The following OPRD1 variants were observed in gnomAD, a reference collection of about 807,000 sequenced individuals.
The protein encoded by OPRD1 is delta-type opioid receptor.
OPRD1 carries 19 observed loss-of-function variants against 17.5 expected under a neutral mutation model. The observed-to-expected ratio is 1.09, with a 90% CI of 0.76 to 1.60. The LOEUF is 1.60. Ranked by LOEUF, OPRD1 falls within the 40% of genes most tolerant of loss-of-function variation. The probability of loss-of-function intolerance (pLI) is 0.00; values close to 1 mark genes in which losing one functional copy is unlikely to be tolerated. For missense variants in OPRD1, 483 were observed against 547.2 expected (o/e 0.88, Z 1.17); for synonymous variants, 256 against 240.9 (o/e 1.06, Z -0.58).
At position 28,867,936 on chromosome 1, in the gene OPRD1, G is replaced by A. The variant is rs1169815512; in HGVS notation, c.*4653G>A. 1 of 152,276 alleles carries A rather than the reference G, an allele frequency of 6.6e-6. No individual in the cohort carries two copies. The highest frequency in any genetic ancestry group is 2.4e-5 in the African/African-American group (1 of 41,448). 9.4% of individuals were successfully genotyped at this position (152,276 alleles called of 1,614,324 possible). ...TGATGGAGAGAGAGAAGAGACTGGA[G>A]ATCCAGCTTGGGGATCCCCTTGCTT... On this transcript the variant is annotated 3_prime_UTR_variant, in exon 3 of 3. Coordinates refer to ENST00000234961, the MANE Select transcript of OPRD1 (RefSeq NM_000911.4).
chr1:28,865,159 C>CCTTGTTCT lies in OPRD1; in HGVS notation c.*1879_*1886dup, dbSNP rs1364091625. Reference sequence around the variant, plus strand: ...TGCTTCCCAGAATATCAGTGTCTGTCCTTGTTCTCTGTACCTCCCCCGTGC... The same window carrying CCTTGTTCT: ...TGCTTCCCAGAATATCAGTGTCTGTCCTTGTTCTCTTGTTCTCTGTACCTCCCCCGTGC... On this transcript the variant is annotated 3_prime_UTR_variant, in exon 3 of 3. Transcript: ENST00000234961. The CCTTGTTCT allele has an allele frequency of 1.3e-5, 2 of 152,296 alleles. No individual in the cohort carries two copies. The highest frequency in any genetic ancestry group is 3.9e-4 in the East Asian group (2 of 5,190). The allele number at this position is 152,296 out of a possible 1,614,324, so 9.4% of individuals were successfully genotyped here. A position where few individuals can be genotyped will look rare whatever the true frequency, so the allele number is the denominator to read the frequency against.
At chr1:28,829,558 G>A (rs569951527) in intron 1 of OPRD1, among the ~76,000 whole-genome samples, 1 of 152,124 alleles carries the variant, frequency 6.6e-6, no homozygotes, top group South Asian at 2.1e-4. Context: ...TAGTAGAGAT[G>A]GGGTTTCACC....
chr1:28,859,761 C>A (rs2089096230), intron 2 of OPRD1, among the ~76,000 whole-genome samples: 3 of 152,190 alleles, frequency 2.0e-5, no homozygotes, highest in African/African-American at 7.2e-5. Context: ...TCCCTTTCAT[C>A]CTAATTTGAA....
At chr1:28,856,418 C>A (rs1353629801) in intron 1 of OPRD1, among the ~76,000 whole-genome samples, 1 of 152,216 alleles carries the variant, frequency 6.6e-6, no homozygotes, top group Non-Finnish European at 1.5e-5. Flanking sequence ...TTCTTCCAGG[C>A]TCTTCCGGTA....
intron 1 of OPRD1, among the ~76,000 whole-genome samples, chr1:28,850,007 G>A (rs924928388): frequency 2.6e-5 from 4 of 151,384 alleles, no homozygotes; most frequent in South Asian, 2.1e-4. Context: ...AGCCTCCAGA[G>A]TATCTGGGAC....
intron 1 of OPRD1, among the ~76,000 whole-genome samples, chr1:28,840,600 T>C (rs16837719): frequency 0.048 from 7,352 of 152,196 alleles, 594 homozygotes; most frequent in African/African-American, 0.17. Flanking sequence ...TAATAAACAC[T>C]GTCTGCCCCA....
intron 1 of OPRD1, among the ~76,000 whole-genome samples, chr1:28,839,552 G>A (rs1231910643): frequency 2.6e-5 from 4 of 152,294 alleles, no homozygotes; most frequent in African/African-American, 7.2e-5. Context: ...GGCTGGAGCC[G>A]TTTGTTCAGT....
At chr1:28,820,879 G>A (rs541331049) in intron 1 of OPRD1, among the ~76,000 whole-genome samples, 7 of 152,070 alleles carry the variant, frequency 4.6e-5, no homozygotes, top group Admixed American at 2.0e-4. Flanking sequence ...GGGATTACAG[G>A]TGTGAGCCAC....
At chr1:28,853,139 A>G (rs1375103492) in intron 1 of OPRD1, among the ~76,000 whole-genome samples, 1 of 152,234 alleles carries the variant, frequency 6.6e-6, no homozygotes, top group Non-Finnish European at 1.5e-5. Context: ...TGTGAGGAAC[A>G]TTACTAGTGT....
chr1:28,824,511 G>C (rs2088747330), intron 1 of OPRD1, among the ~76,000 whole-genome samples: 1 of 151,032 alleles, frequency 6.6e-6, no homozygotes. Flanking sequence ...GTACAGACAG[G>C]GTTTCACCGT....
At chr1:28,848,762 G>A (rs1433909476) in intron 1 of OPRD1, among the ~76,000 whole-genome samples, 3 of 152,204 alleles carry the variant, frequency 2.0e-5, no homozygotes, top group African/African-American at 7.2e-5. Flanking sequence ...TACCAGCTCT[G>A]CCACTTACTG....
chr1:28,855,989 T>C (rs1372156813), intron 1 of OPRD1, among the ~76,000 whole-genome samples: 1 of 152,252 alleles, frequency 6.6e-6, no homozygotes, highest in Admixed American at 6.5e-5. Flanking sequence ...AGTCACTTCA[T>C]GCAGGAACAG....
intron 1 of OPRD1, among the ~76,000 whole-genome samples, chr1:28,824,415 G>T (rs561087384): frequency 1.3e-5 from 2 of 149,592 alleles, no homozygotes; most frequent in Admixed American, 1.3e-4. Flanking sequence ...CTGGGTTCAC[G>T]GCATTCTCCT....
At chr1:28,853,453 A>G (rs1393675709) in intron 1 of OPRD1, among the ~76,000 whole-genome samples, 2 of 152,256 alleles carry the variant, frequency 1.3e-5, no homozygotes, top group East Asian at 3.8e-4. Context: ...TCATTTGTTA[A>G]ACCACTGGGA....
intron 1 of OPRD1, among the ~76,000 whole-genome samples, chr1:28,841,465 C>T (rs370955964): frequency 6.6e-6 from 1 of 152,232 alleles, no homozygotes; most frequent in Non-Finnish European, 1.5e-5. Flanking sequence ...GTCCTGTCAC[C>T]GCCACTTCTT....
At chr1:28,835,871 T>G (rs922244094) in intron 1 of OPRD1, among the ~76,000 whole-genome samples, 2 of 152,184 alleles carry the variant, frequency 1.3e-5, no homozygotes, top group African/African-American at 4.8e-5. Flanking sequence ...GGTGAGTTAC[T>G]TCATCCCTCT....
At chr1:28,838,751 A>G (rs538727038) in intron 1 of OPRD1, among the ~76,000 whole-genome samples, 1 of 152,340 alleles carries the variant, frequency 6.6e-6, no homozygotes, top group African/African-American at 2.4e-5. Context: ...GAGGCAGGAA[A>G]GATCATGATA....
intron 1 of OPRD1, among the ~76,000 whole-genome samples, chr1:28,831,729 G>T (rs1248255466): frequency 6.6e-6 from 1 of 151,874 alleles, no homozygotes; most frequent in African/African-American, 2.4e-5. Context: ...GTAGAGATGA[G>T]GTCTCACTAT....
chr1:28,858,899 A>G, intron 1 of OPRD1, 55 bp from the exon 2 acceptor site: 1 of 1,519,202 alleles, frequency 6.6e-7, no homozygotes, highest in Non-Finnish European at 9.0e-7. Flanking sequence ...CTTGAGTTTC[A>G]TGTGAAACTG....
Sources: allele counts gnomAD v4.1 joint callset (sites outside exome capture counted in the v4.1 genomes callset), GRCh38; gene constraint gnomAD v4.1.1; transcripts MANE v1.5; gene names NCBI Gene and HGNC (gene_info 2026-07-23, HGNC 2026-07-21).